The following STARD13 variants were observed in gnomAD, a reference collection of about 807,000 sequenced individuals.
STARD13 encodes StAR related lipid transfer domain containing 13, also known as stAR-related lipid transfer protein 13.
A neutral mutation model predicts 106.4 loss-of-function variants in STARD13; 62 were observed. That is an observed-to-expected ratio of 0.58 (90% confidence interval 0.48 to 0.72). STARD13 has a LOEUF of 0.72. Ranked by LOEUF, STARD13 falls within the 30% of genes least tolerant of loss-of-function variation. The probability of loss-of-function intolerance (pLI) is 0.00; values close to 1 mark genes in which losing one functional copy is unlikely to be tolerated. For synonymous variants in STARD13, 565 were observed against 553.0 expected (o/e 1.02, Z -0.31); for missense variants, 1,387 against 1,424.0 (o/e 0.97, Z 0.42).
the STARD13 span, among the ~76,000 whole-genome samples, chr13:33,453,017 A>T: frequency 6.6e-6 from 1 of 152,190 alleles, no homozygotes; most frequent in African/African-American, 2.4e-5. Context: ...AAGAAATCCA[A>T]ATCAAGAGCT....
At chr13:33,457,224 C>T in the STARD13 span, among the ~76,000 whole-genome samples, 2 of 152,270 alleles carry the variant, frequency 1.3e-5, no homozygotes, top group Admixed American at 6.5e-5. Context: ...AATCAGAACA[C>T]AAAGGTAATT....
intron 1 of STARD13, among the ~76,000 whole-genome samples, chr13:33,178,108 G>A (rs1317257834): frequency 6.6e-6 from 1 of 152,046 alleles, no homozygotes. Flanking sequence ...TTGGCATAAC[G>A]TCTCTTGTTC....
the STARD13 span, among the ~76,000 whole-genome samples, chr13:33,600,317 A>G: frequency 6.6e-6 from 1 of 152,350 alleles, no homozygotes; most frequent in Admixed American, 6.5e-5. Context: ...AGGATTTTTT[A>G]AATCTATGAA....
chr13:33,181,271 T>TACAC (rs59405682), intron 1 of STARD13, among the ~76,000 whole-genome samples: 2 of 142,274 alleles, frequency 1.4e-5, no homozygotes, highest in African/African-American at 2.7e-5. Context: ...CACACATACA[T>TACAC]ACACACACAC....
At chr13:33,657,864 T>C in the STARD13 span, among the ~76,000 whole-genome samples, 17 of 152,348 alleles carry the variant, frequency 1.1e-4, no homozygotes, top group African/African-American at 4.1e-4. Context: ...TTCTATAAAG[T>C]AGATTTTCTA....
chr13:33,110,538 C>A, intron 11 of STARD13, 148 bp downstream of exon 11: 1 of 678,880 alleles, frequency 1.5e-6, no homozygotes, highest in East Asian at 2.6e-5. Context: ...GATCTCTGGA[C>A]TGAGTTCTTT....
chr13:33,264,838 A>G (rs1890818532), intron 1 of STARD13, among the ~76,000 whole-genome samples: 1 of 152,154 alleles, frequency 6.6e-6, no homozygotes, highest in Non-Finnish European at 1.5e-5. Flanking sequence ...TGCCAAGCAG[A>G]GAGTCTTTGC....
intron 1 of STARD13, among the ~76,000 whole-genome samples, chr13:33,213,591 G>A: frequency 6.6e-6 from 1 of 152,200 alleles, no homozygotes; most frequent in East Asian, 1.9e-4. Context: ...GCATTCAACA[G>A]CCGCAGACCA....
intron 3 of STARD13, among the ~76,000 whole-genome samples, chr13:33,157,044 T>A (rs1357904590): frequency 6.6e-6 from 1 of 152,176 alleles, no homozygotes; most frequent in Non-Finnish European, 1.5e-5. Flanking sequence ...ATTTAAAATA[T>A]CAATATTCAT....
At chr13:33,319,384 G>A (rs1893466397) in intron 1 of STARD13, among the ~76,000 whole-genome samples, 1 of 152,042 alleles carries the variant, frequency 6.6e-6, no homozygotes, top group African/African-American at 2.4e-5. Context: ...TGGAGGGAGG[G>A]GAAATACAGC....
the STARD13 span, among the ~76,000 whole-genome samples, chr13:33,363,855 T>G: frequency 6.6e-6 from 1 of 152,206 alleles, no homozygotes; most frequent in East Asian, 1.9e-4. Flanking sequence ...GAATTAAGCA[T>G]TGAAAACTGG....
At chr13:33,165,273 A>G (rs1883184943) in intron 3 of STARD13, 64 bp downstream of exon 3, 1 of 1,232,756 alleles carries the variant, frequency 8.1e-7, no homozygotes, top group Middle Eastern at 1.9e-4. Context: ...CTCGCCCTTC[A>G]GTATAGTGAT....
chr13:33,526,464 C>T, the STARD13 span, among the ~76,000 whole-genome samples: 1 of 151,950 alleles, frequency 6.6e-6, no homozygotes, highest in Non-Finnish European at 1.5e-5. Context: ...AAATGAAGAC[C>T]GAATTGCTTA....
intron 3 of STARD13, among the ~76,000 whole-genome samples, chr13:33,161,852 C>T (rs1298097967): frequency 1.3e-5 from 2 of 152,126 alleles, no homozygotes; most frequent in African/African-American, 4.8e-5. Flanking sequence ...AAAGGCCCTT[C>T]TTACATGGTG....
At chr13:33,606,204 G>A in the STARD13 span, among the ~76,000 whole-genome samples, 71 of 152,274 alleles carry the variant, frequency 4.7e-4, no homozygotes, top group African/African-American at 1.6e-3. Context: ...AGGAGGCTGA[G>A]ACAGGAGAAC....
chr13:33,633,897 C>A, the STARD13 span, among the ~76,000 whole-genome samples: 1 of 152,144 alleles, frequency 6.6e-6, no homozygotes, highest in Non-Finnish European at 1.5e-5. Context: ...TCTTGGGGCT[C>A]CCTGTGTGAC....
the STARD13 span, among the ~76,000 whole-genome samples, chr13:33,546,159 G>A: frequency 6.6e-6 from 1 of 151,998 alleles, no homozygotes; most frequent in African/African-American, 2.4e-5. Flanking sequence ...GGATTCCCAC[G>A]TCAGATTTTC....
At chr13:33,335,641 G>T (rs112687678) in intron 1 of STARD13, among the ~76,000 whole-genome samples, 1 of 152,202 alleles carries the variant, frequency 6.6e-6, no homozygotes, top group Non-Finnish European at 1.5e-5. Context: ...TAGTCAACAC[G>T]TACCATTATG....
chr13:33,214,606 T>G (rs1334213823), intron 1 of STARD13, among the ~76,000 whole-genome samples: 1 of 152,104 alleles, frequency 6.6e-6, no homozygotes, highest in Non-Finnish European at 1.5e-5. Flanking sequence ...TCAGAACTTA[T>G]TAAAGACCTT....
Sources: gnomAD v4.1 joint callset for allele counts (sites outside exome capture counted in the v4.1 genomes callset) on GRCh38, gnomAD v4.1.1 for gene constraint, MANE v1.5 for transcripts, NCBI Gene and HGNC (gene_info 2026-07-23, HGNC 2026-07-21) for gene names.